FBXL2: variants seen among roughly 807,000 people sequenced by gnomAD.
FBXL2 encodes F-box/LRR-repeat protein 2.
In FBXL2, 38 loss-of-function variants were observed where a neutral mutation model predicts 69.2. The ratio of observed to expected loss-of-function variants is 0.55; its 90% CI spans 0.42 to 0.72. The LOEUF is 0.72. Among genes scored for constraint, FBXL2 ranks in the 30% least tolerant of loss-of-function variants. The probability of loss-of-function intolerance (pLI) is 0.00; values close to 1 mark genes in which losing one functional copy is unlikely to be tolerated. For missense variants in FBXL2, 354 were observed against 520.3 expected (o/e 0.68, Z 3.11); for synonymous variants, 192 against 201.3 (o/e 0.95, Z 0.39).
At chr3:33,396,096 C>T (rs1218518104) in intron 12 of FBXL2, 27 of 1,397,992 alleles carry the variant, frequency 1.9e-5, no homozygotes, top group South Asian at 3.0e-5. Flanking sequence ...CCTGCTCAAT[C>T]GAGTCCTTTC....
At chr3:33,326,463 A>G (rs931879016) in intron 2 of FBXL2, among the ~76,000 whole-genome samples, 5 of 150,818 alleles carry the variant, frequency 3.3e-5, no homozygotes, top group Admixed American at 6.6e-5. Flanking sequence ...AGATCGCTCT[A>G]CCACTGCACT....
At position 33,375,355 on chromosome 3, in the gene FBXL2, C is replaced by T. The variant is rs755112535; in HGVS notation, c.725C>T (p.Ser242Leu). 6 of 1,614,056 alleles carry T rather than the reference C, an allele frequency of 3.7e-6. No individual in the cohort carries two copies. The highest frequency in any genetic ancestry group is 1.3e-5 in the African/African-American group (1 of 74,922). ...CACCGGCTACAGGCTCTCTGCCTTTCGGGTTGCAGCAACCTCACAGATGCC... is the reference window on the plus strand; with the variant it reads ...CACCGGCTACAGGCTCTCTGCCTTTTGGGTTGCAGCAACCTCACAGATGCC... ...GCHRLQALCL[S>L]GCSNLTDASL... The change falls in exon 10 of 15, where the codon TCG (serine) becomes TTG (leucine). Residue 242 changes from serine (S) to leucine (L), a missense_variant. Ser to Leu is a moderately radical substitution (Grantham distance 145). Transcript: ENST00000484457.
intron 2 of FBXL2, among the ~76,000 whole-genome samples, chr3:33,315,111 A>G (rs989409340): frequency 1.3e-5 from 2 of 152,176 alleles, no homozygotes; most frequent in African/African-American, 2.4e-5. Flanking sequence ...AAGATTCATT[A>G]GAATTACTAT....
At chr3:33,299,119 G>T (rs183297109) in intron 2 of FBXL2, among the ~76,000 whole-genome samples, 1 of 151,760 alleles carries the variant, frequency 6.6e-6, no homozygotes, top group East Asian at 1.9e-4. Context: ...TCGGCTCACC[G>T]CATCTTCCGC....
At chr3:33,307,990 C>T (rs1196402215) in intron 2 of FBXL2, among the ~76,000 whole-genome samples, 1 of 152,010 alleles carries the variant, frequency 6.6e-6, no homozygotes, top group Non-Finnish European at 1.5e-5. Context: ...CTCCTGAGTC[C>T]ATTTACATGA....
chr3:33,322,914 G>T (rs974038474), intron 2 of FBXL2, among the ~76,000 whole-genome samples: 2 of 151,958 alleles, frequency 1.3e-5, no homozygotes, highest in Non-Finnish European at 2.9e-5. Flanking sequence ...ACTGTTTTTT[G>T]TTCTTGTGCC....
chr3:33,414,866 G>C, the FBXL2 span, among the ~76,000 whole-genome samples: 1 of 152,216 alleles, frequency 6.6e-6, no homozygotes, highest in South Asian at 2.1e-4. Flanking sequence ...GATGCCTTCA[G>C]AATAAGTAAC....
At position 33,309,056 on chromosome 3, in the gene FBXL2, T is replaced by C. The variant is rs527507154; in HGVS notation, c.65+11331T>C. Among the ~76,000 whole-genome samples the C allele has an allele frequency of 1.4e-3, 207 of 152,306 alleles. 1 individual carries two copies. The highest frequency in any genetic ancestry group is 2.5e-3 in the Non-Finnish European group (172 of 68,018). On this transcript the variant is annotated intron_variant, in intron 2 of 14. Transcript: ENST00000484457. ...AGAAGAAGGTGTATCCTGCTGCTGT[T>C]GGGTGGAATATTCAAAATATGTCTG...
intron 2 of FBXL2, among the ~76,000 whole-genome samples, chr3:33,312,909 T>C (rs1315698356): frequency 1.3e-5 from 2 of 151,792 alleles, no homozygotes; most frequent in African/African-American, 4.8e-5. Flanking sequence ...TTGCCTGAGC[T>C]CAGGAGTTTG....
At chr3:33,408,516 G>A (rs1379216892), downstream of FBXL2, among the ~76,000 whole-genome samples, 1 of 152,072 alleles carries the variant, frequency 6.6e-6, no homozygotes, top group Non-Finnish European at 1.5e-5. Flanking sequence ...TTAGATTTAG[G>A]AAATTTTCCT....
At chr3:33,381,638 TA>T (rs920792626) in intron 13 of FBXL2, among the ~76,000 whole-genome samples, 2 of 138,094 alleles carry the variant, frequency 1.4e-5, no homozygotes, top group African/African-American at 2.9e-5. Flanking sequence ...AAAAAATAAA[TA>T]AAAATTTAAA....
downstream of FBXL2, among the ~76,000 whole-genome samples, chr3:33,404,916 G>A (rs977832978): frequency 2.6e-5 from 4 of 152,048 alleles, no homozygotes; most frequent in African/African-American, 9.7e-5. Context: ...ATTCTATCCT[G>A]TCTCATCATT....
intron 2 of FBXL2, among the ~76,000 whole-genome samples, chr3:33,330,991 T>C (rs1251394547): frequency 6.6e-6 from 1 of 150,692 alleles, no homozygotes; most frequent in Non-Finnish European, 1.5e-5. Context: ...ATATATATAA[T>C]ATATATATCT....
chr3:33,343,149 T>A (rs113642488), intron 2 of FBXL2, among the ~76,000 whole-genome samples: 2,623 of 151,852 alleles, frequency 0.017, 31 homozygotes, highest in South Asian at 0.026. Context: ...TTCAAAGCAA[T>A]TATATATATA....
At chr3:33,335,215 G>GAA (rs773423809) in intron 2 of FBXL2, among the ~76,000 whole-genome samples, 2 of 145,938 alleles carry the variant, frequency 1.4e-5, no homozygotes, top group African/African-American at 2.5e-5. Flanking sequence ...CTTTTTAGGT[G>GAA]AAAAAAAAAA....
intron 2 of FBXL2, chr3:33,317,550 T>G (rs745612835): frequency 1.1e-5 from 5 of 456,292 alleles, no homozygotes; most frequent in South Asian, 7.7e-5. Context: ...CATCATTGTT[T>G]TGTAGCAATG....
chr3:33,384,289 G>A lies in FBXL2; in HGVS notation c.1164+88G>A, dbSNP rs559303104. ...AGAATCAGACCGGGGCTAGGCACGC[G>A]GTGGCTCACGCCTGTAATCCCAACA... On this transcript the variant is annotated intron_variant, in intron 14 of 14. Transcript: ENST00000484457. The A allele has an allele frequency of 1.6e-4, 208 of 1,304,012 alleles. No individual in the cohort carries two copies. In the South Asian group the frequency reaches 2.0e-3, roughly 13 times the overall value. 80.8% of individuals were successfully genotyped at this position (1,304,012 alleles called of 1,614,324 possible). A position where few individuals can be genotyped will look rare whatever the true frequency, so the allele number is the denominator to read the frequency against.
chr3:33,320,125 CTGAATG>C (rs1202900137), intron 2 of FBXL2, among the ~76,000 whole-genome samples: 3 of 152,088 alleles, frequency 2.0e-5, no homozygotes, highest in Admixed American at 2.0e-4. Context: ...AAAACTGACT[CTGAATG>C]TATATGATCA....
At chr3:33,337,565 T>G (rs1160275494) in intron 2 of FBXL2, among the ~76,000 whole-genome samples, 3 of 152,222 alleles carry the variant, frequency 2.0e-5, no homozygotes, top group African/African-American at 7.2e-5. Flanking sequence ...ACAACTGTTA[T>G]AGTTTAGAAA....
Sources: gnomAD v4.1 joint callset for allele counts (sites outside exome capture counted in the v4.1 genomes callset) on GRCh38, gnomAD v4.1.1 for gene constraint, MANE v1.5 for transcripts, NCBI Gene and HGNC (gene_info 2026-07-23, HGNC 2026-07-21) for gene names.